Variants in MAP4K3 observed in about 807,000 individuals in gnomAD.
MAP4K3 encodes the protein MAPK/ERK kinase kinase kinase 3.
A neutral mutation model predicts 143.5 loss-of-function variants in MAP4K3; 94 were observed. The observed-to-expected ratio is 0.65, with a 90% CI of 0.55 to 0.78. The LOEUF (loss-of-function observed/expected upper bound fraction) is 0.78. MAP4K3 is among the 30% of genes least tolerant of loss of function. MAP4K3 has a pLI of 0.00. For synonymous variants in MAP4K3, 416 were observed against 347.2 expected, an observed-to-expected ratio of 1.20 and a Z score of -2.20; for missense variants, 1,077 against 1,068.1, an observed-to-expected ratio of 1.01 and a Z score of -0.12.
At chr2:39,251,145 A>C (rs1451056501) in intron 33 of MAP4K3, among the ~76,000 whole-genome samples, 4 of 152,212 alleles carry the variant, frequency 2.6e-5, no homozygotes, top group Non-Finnish European at 5.9e-5. Context: ...AAAGAGTTGT[A>C]GTGGCCGTGT....
In MAP4K3 at chr2:39,272,307, T is replaced by A; in HGVS notation, c.1949A>T (p.Lys650Ile). ...QKLPVAIPAH[K>I]LPDRILPRKF... ...CCTTGGCAGTATTCTGTCAGGGAGTTTGTGTGCTGGAATAGCAACAGGTAA... is the reference window on the plus strand; with the variant it reads ...CCTTGGCAGTATTCTGTCAGGGAGTATGTGTGCTGGAATAGCAACAGGTAA... Residue 650 changes from lysine to isoleucine, a missense_variant, in exon 26 of 34, where the codon AAA (lysine) becomes ATA (isoleucine). Transcript: ENST00000263881. The A allele has an allele frequency of 6.2e-7, 1 of 1,613,522 alleles. No individual in the cohort carries two copies. The highest frequency in any genetic ancestry group is 8.5e-7 in the Non-Finnish European group (1 of 1,179,514).
intron 31 of MAP4K3, among the ~76,000 whole-genome samples, chr2:39,256,874 CT>C (rs1474048410): frequency 6.6e-6 from 1 of 152,160 alleles, no homozygotes; most frequent in Non-Finnish European, 1.5e-5. Context: ...TCTCCATCTC[CT>C]GTGGGATACT....
At chr2:39,435,484 C>T (rs936029276) in intron 1 of MAP4K3, among the ~76,000 whole-genome samples, 2 of 152,170 alleles carry the variant, frequency 1.3e-5, no homozygotes, top group Non-Finnish European at 2.9e-5. Flanking sequence ...CCCCAGTACC[C>T]TAAGCAACGC....
rs1683483432 is a variant in MAP4K3 at position 39,326,154 on chromosome 2, G to A, written c.654C>T (p.His218=). ...AATGATGATGCACTGACCTCATTGG[G>A]TGTAAGTCAAACATAGGAGGCTGAA... ...AELQPPMFDL[H]PMRALFLMTK... Residue 218 remains histidine (H), a synonymous_variant, in exon 9 of 34, where the codon CAC becomes CAT. Transcript: ENST00000263881. The A allele has an allele frequency of 1.2e-6, 2 of 1,613,334 alleles. No homozygotes were observed. Among genetic ancestry groups the A allele is most frequent in the Non-Finnish European group, 1.7e-6 (2 of 1,179,782 alleles).
In MAP4K3 at chr2:39,313,131, C is replaced by A. The variant is rs567943326; in HGVS notation, c.997+2179G>T. Among the ~76,000 whole-genome samples the A allele has an allele frequency of 9.3e-4, 141 of 152,318 alleles. 1 individual carries two copies. The highest frequency in any genetic ancestry group is 3.0e-3 in the African/African-American group (126 of 41,574). On this transcript the variant is annotated intron_variant, in intron 13 of 33. Transcript: ENST00000263881. The stretch of plus-strand genomic sequence containing the variant: ...CCCTAAAGTTATGACAAGCCTCTGC[C>A]ACAGAATCTTCCAGTTACTCTTCAA...
At chr2:39,337,490 T>C (rs1226647415) in intron 5 of MAP4K3, 36 bp downstream of exon 5, 7 of 1,523,102 alleles carry the variant, frequency 4.6e-6, no homozygotes, top group Non-Finnish European at 4.5e-6. Flanking sequence ...CTTAGTTTAA[T>C]GAAAAATGTT....
At chr2:39,309,548 A>T (rs376772167) in intron 13 of MAP4K3, 29 bp from the exon 14 acceptor site, 324 of 339,306 alleles carry the variant, frequency 9.5e-4, no homozygotes, top group Middle Eastern at 2.5e-3. Context: ...TAAAACCAGG[A>T]TTTTTTTTTT....
rs563649459 is a variant in MAP4K3, at chr2:39,336,791, G to C, written c.414+129C>G. The C allele has an allele frequency of 3.4e-4, 144 of 427,840 alleles. 2 individuals carry two copies. The South Asian group carries it at 5.9e-3, about 18-fold the overall frequency. The allele number at this position is 427,840 out of a possible 1,614,324, so 26.5% of individuals were successfully genotyped here. A position where few individuals can be genotyped will look rare whatever the true frequency, so the allele number is the denominator to read the frequency against. On this transcript the variant is annotated intron_variant, in intron 6 of 33. Coordinates refer to ENST00000263881, the MANE Select transcript of MAP4K3 (RefSeq NM_003618.4). Reference sequence around the variant, plus strand: ...GCTATAAAAAATTAAACTATTAAAAGTATCACTCATTTTTATTATGGTAAC... The same window carrying C: ...GCTATAAAAAATTAAACTATTAAAACTATCACTCATTTTTATTATGGTAAC...
intron 1 of MAP4K3, among the ~76,000 whole-genome samples, chr2:39,413,330 C>T (rs570239981): frequency 1.3e-5 from 2 of 152,136 alleles, no homozygotes; most frequent in East Asian, 1.9e-4. Flanking sequence ...ACCTAATTAA[C>T]GAGGGAGCTA....
In MAP4K3 at chr2:39,353,654, C is replaced by T. The variant is rs528273085; in HGVS notation, c.245+2595G>A. Among the ~76,000 whole-genome samples the T allele has an allele frequency of 1.4e-4, 22 of 152,274 alleles. No homozygotes were observed. The South Asian group carries it at 4.6e-3, about 32-fold the overall frequency. On this transcript the variant is annotated intron_variant, in intron 3 of 33. Transcript: ENST00000263881. ...AAAATGGAAATAATTTCTACCACAG[C>T]TATACTGCTATCCAGGTTGCTGAAA... is the stretch of plus-strand genomic sequence containing the variant.
intron 15 of MAP4K3, among the ~76,000 whole-genome samples, chr2:39,300,752 A>C (rs1558632735): frequency 6.6e-6 from 1 of 152,232 alleles, no homozygotes; most frequent in Admixed American, 6.5e-5. Flanking sequence ...CAAGATTGCC[A>C]GGGAAAATTA....
At chr2:39,255,999 T>TA (rs200635811) in intron 31 of MAP4K3, among the ~76,000 whole-genome samples, 4 of 151,544 alleles carry the variant, frequency 2.6e-5, no homozygotes, top group Non-Finnish European at 4.4e-5. Context: ...TTTTATGTCT[T>TA]AAAAAAAAAT....
At chr2:39,332,367 A>G (rs1683710741) in intron 7 of MAP4K3, among the ~76,000 whole-genome samples, 1 of 152,028 alleles carries the variant, frequency 6.6e-6, no homozygotes, top group South Asian at 2.1e-4. Flanking sequence ...TTTAAGAGAC[A>G]TTATATTCCA....
intron 1 of MAP4K3, among the ~76,000 whole-genome samples, chr2:39,400,812 A>C (rs2160660): frequency 0.99 from 150,419 of 152,186 alleles, 74,373 homozygotes; most frequent in Middle Eastern, 1. Flanking sequence ...AGAAAGGTAT[A>C]TGGCCAAAAT....
intron 1 of MAP4K3, among the ~76,000 whole-genome samples, chr2:39,410,849 C>G: frequency 6.6e-6 from 1 of 152,140 alleles, no homozygotes. Flanking sequence ...ACATCAAAGG[C>G]ACATATGTCA....
At chr2:39,398,803 G>A (rs562260627) in intron 1 of MAP4K3, among the ~76,000 whole-genome samples, 66 of 150,514 alleles carry the variant, frequency 4.4e-4, no homozygotes, top group Admixed American at 6.6e-4. Context: ...AGCACTTTGG[G>A]AGGCTGAGGT....
At chr2:39,318,653 C>T (rs1341546610) in intron 12 of MAP4K3, among the ~76,000 whole-genome samples, 5 of 152,018 alleles carry the variant, frequency 3.3e-5, no homozygotes, top group Admixed American at 2.6e-4. Context: ...CACAATGATG[C>T]ATGGTGTCTA....
chr2:39,390,772 T>A (rs1666630227), intron 1 of MAP4K3, among the ~76,000 whole-genome samples: 2 of 149,126 alleles, frequency 1.3e-5, no homozygotes, highest in Non-Finnish European at 1.5e-5. Context: ...ACATAAAAAT[T>A]AAAAAAAAAA....
chr2:39,290,431 A>G lies in MAP4K3; in HGVS notation c.1272-97T>C, dbSNP rs113384970. ...TTTCAAAGACACATAAAAAAGCTGC[A>G]AAGACAAATATCATTTTCTAAGATT... On this transcript the variant is annotated intron_variant, in intron 18 of 33. Transcript: ENST00000263881. 408 of 720,390 alleles carry G rather than the reference A, an allele frequency of 5.7e-4. 6 individuals are homozygous for G. The African/African-American group carries it at 6.7e-3, about 12-fold the overall frequency. The allele number at this position is 720,390 out of a possible 1,614,324, so 44.6% of individuals were successfully genotyped here.
Sources: allele counts gnomAD v4.1 joint callset (sites outside exome capture counted in the v4.1 genomes callset), GRCh38; gene constraint gnomAD v4.1.1; transcripts MANE v1.5; gene names NCBI Gene and HGNC (gene_info 2026-07-23, HGNC 2026-07-21).